The following AXIN2 variants were observed in gnomAD, a reference collection of about 807,000 sequenced individuals.
The protein encoded by AXIN2 is axin-2.
AXIN2 carries 21 observed loss-of-function variants against 74.7 expected under a neutral mutation model. The ratio of observed to expected loss-of-function variants is 0.28; its 90% confidence interval spans 0.20 to 0.40. The LOEUF (loss-of-function observed/expected upper bound fraction) is 0.40, where lower values mean the gene tolerates loss of function less well. Ranked by LOEUF, AXIN2 falls within the 10% of genes least tolerant of loss-of-function variation. The pLI is 1.00. For missense variants in AXIN2, 1,144 were observed against 1,111.1 expected (o/e 1.03, Z -0.42); for synonymous variants, 532 against 454.9 (o/e 1.17, Z -2.16).
chr17:65,534,281 T>G (rs1377948522), intron 9 of AXIN2, among the ~76,000 whole-genome samples: 1 of 152,212 alleles, frequency 6.6e-6, no homozygotes, highest in African/African-American at 2.4e-5. Context: ...CAACCCCACA[T>G]GTGCTGCATG....
chr17:65,552,749 C>A (rs140063088), intron 2 of AXIN2, among the ~76,000 whole-genome samples: 1 of 152,290 alleles, frequency 6.6e-6, no homozygotes, highest in Non-Finnish European at 1.5e-5. Flanking sequence ...AGAGCCCCAG[C>A]CAGGCACGGT....
At position 65,537,304 on chromosome 17, in the gene AXIN2, G is replaced by A. The variant is rs2144455218; in HGVS notation, c.1712+20C>T. On this transcript the variant is annotated intron_variant, in intron 6 of 10. Coordinates refer to ENST00000307078, the MANE Select transcript of AXIN2 (RefSeq NM_004655.4). ...GGAGACAAGCCCCACACGGGACACTGCGGTCCGCCCGGCACTTACCCAAAC... is the reference window on the plus strand; with the variant it reads ...GGAGACAAGCCCCACACGGGACACTACGGTCCGCCCGGCACTTACCCAAAC... 1 of 1,613,666 alleles carries A rather than the reference G, an allele frequency of 6.2e-7. No individual in the cohort carries two copies. Among genetic ancestry groups the A allele is most frequent in the Non-Finnish European group, 8.5e-7 (1 of 1,180,016 alleles).
Position 65,529,940 on chromosome 17 carries a change from G to A in AXIN2, c.*36C>T, listed in dbSNP as rs200276310. The A allele has an allele frequency of 8.7e-6, 14 of 1,613,644 alleles. No homozygotes were observed. Among genetic ancestry groups the A allele is most frequent in the Admixed American group, 5.0e-5 (3 of 59,984 alleles). On this transcript the variant is annotated 3_prime_UTR_variant, in exon 11 of 11. Coordinates refer to ENST00000307078, the MANE Select transcript of AXIN2 (RefSeq NM_004655.4). Reference sequence around the variant, plus strand: ...AGCCAAGACAGTTCACAAGAGCTTCGGGCTCCAACAGTTCACCAAAGCCAG... The same window carrying A: ...AGCCAAGACAGTTCACAAGAGCTTCAGGCTCCAACAGTTCACCAAAGCCAG...
intron 4 of AXIN2, among the ~76,000 whole-genome samples, chr17:65,539,366 G>A (rs1325335256): frequency 6.6e-6 from 1 of 152,218 alleles, no homozygotes; most frequent in African/African-American, 2.4e-5. Context: ...GGGAAGAAGA[G>A]AAAGGCTCCT....
At position 65,533,301 on chromosome 17, in the gene AXIN2, G is replaced by A. The variant is rs149851548; in HGVS notation, c.2405+611C>T. Reference sequence around the variant, plus strand: ...TGCCCTATTCACCCTGTGCCCACCCGCAGGTCCAGCCCCTTCTTTGTTATG... The same window carrying A: ...TGCCCTATTCACCCTGTGCCCACCCACAGGTCCAGCCCCTTCTTTGTTATG... On this transcript the variant is annotated intron_variant, in intron 10 of 10. Transcript: ENST00000307078. Among the ~76,000 whole-genome samples, 824 of 152,260 alleles carry A rather than the reference G, an allele frequency of 5.4e-3. 5 individuals carry two copies. The highest frequency in any genetic ancestry group is 0.018 in the African/African-American group (764 of 41,534).
Position 65,541,535 on chromosome 17 carries a change from C to T in AXIN2, c.979G>A (p.Val327Met), listed in dbSNP as rs372255441. ...CTCTGGAGCTGTTTCTTACTGCCCA[C>T]ACGATAAGGAGGAATTCCATCTCTA... is the stretch of plus-strand genomic sequence containing the variant. ...SSVDGIPPYR[V>M]GSKKQLQREM... Residue 327 changes from valine (V) to methionine (M), a missense_variant, in exon 4 of 11, where the codon GTG becomes ATG. Physicochemically the swap from Val to Met is conservative, Grantham distance 21. Coordinates refer to ENST00000307078, the MANE Select transcript of AXIN2 (RefSeq NM_004655.4). The T allele has an allele frequency of 6.2e-7, 1 of 1,614,018 alleles. No homozygotes were observed. The highest frequency in any genetic ancestry group is 1.3e-5 in the African/African-American group (1 of 74,914).
Position 65,529,951 on chromosome 17 carries a change from G to C in AXIN2, c.*25C>G, listed in dbSNP as rs766201419. 5.0e-6 allele frequency: 8 copies of C among 1,613,940 alleles called. No individual in the cohort carries two copies. Among genetic ancestry groups the C allele is most frequent in the Admixed American group, 3.3e-5 (2 of 59,982 alleles). ...TTCACAAGAGCTTCGGGCTCCAACA[G>C]TTCACCAAAGCCAGACCCCAGGGCT... On this transcript the variant is annotated 3_prime_UTR_variant, in exon 11 of 11. Coordinates refer to ENST00000307078, the MANE Select transcript of AXIN2 (RefSeq NM_004655.4).
intron 3 of AXIN2, among the ~76,000 whole-genome samples, chr17:65,542,528 GA>G (rs1471442760): frequency 9.8e-5 from 15 of 152,338 alleles, no homozygotes; most frequent in African/African-American, 3.6e-4. Flanking sequence ...TCCTCATTGA[GA>G]AAGGGACCTT....
chr17:65,541,855 A>G (rs1223797893), intron 3 of AXIN2, among the ~76,000 whole-genome samples: 1 of 152,114 alleles, frequency 6.6e-6, no homozygotes, highest in African/African-American at 2.4e-5. Flanking sequence ...ACTGGGTTAC[A>G]CTCCAGCCAG....
rs770475119 is a variant in AXIN2, at chr17:65,537,097, G to A, written c.1713-34C>T. 7 of 1,589,254 alleles carry A rather than the reference G, an allele frequency of 4.4e-6. No individual in the cohort carries two copies. The South Asian group carries it at 4.4e-5, about 10-fold the overall frequency. ...AACCAAGAACCACACCCAACCCAGA[G>A]ACCCGGTTAAATCTCCGGGACTCCT... On this transcript the variant is annotated intron_variant, in intron 6 of 10. Transcript: ENST00000307078.
intron 6 of AXIN2, 102 bp from the exon 7 acceptor site, chr17:65,537,165 A>G: frequency 1.3e-6 from 2 of 1,541,288 alleles, no homozygotes; most frequent in Admixed American, 1.7e-5. Context: ...GTGACACGAA[A>G]GACCCATGCA....
At chr17:65,543,015 A>C (rs2044065198) in intron 3 of AXIN2, among the ~76,000 whole-genome samples, 1 of 152,254 alleles carries the variant, frequency 6.6e-6, no homozygotes, top group Non-Finnish European at 1.5e-5. Flanking sequence ...CTACTGACCT[A>C]GGTCAGAAAA....
At chr17:65,537,919 C>CGCAGGA in intron 5 of AXIN2, 84 bp from the exon 6 acceptor site, 2 of 1,169,638 alleles carry the variant, frequency 1.7e-6, no homozygotes, top group Non-Finnish European at 2.3e-6. Flanking sequence ...CGGCTCCCTA[C>CGCAGGA]GCAGGAGCAC....
chr17:65,558,653 T>G lies in AXIN2; in HGVS notation c.-33A>C, dbSNP rs190687283. 364 of 1,591,526 alleles carry G rather than the reference T, an allele frequency of 2.3e-4. No individual in the cohort carries two copies. Among genetic ancestry groups the G allele is most frequent in the Non-Finnish European group, 2.8e-4 (333 of 1,175,156 alleles). On this transcript the variant is annotated 5_prime_UTR_variant, in exon 2 of 11. Coordinates refer to ENST00000307078, the MANE Select transcript of AXIN2 (RefSeq NM_004655.4). ...GAGCTCTTCCCACTGAGTCTGGGAA[T>G]TTTTCTTCTTCCAGTTCCTCTCAGC...
chr17:65,530,711 C>CGCAGCTTCCCAGG (rs1413517417), intron 10 of AXIN2, among the ~76,000 whole-genome samples: 2 of 152,238 alleles, frequency 1.3e-5, no homozygotes, highest in Non-Finnish European at 2.9e-5. Context: ...GCCAGCCCAG[C>CGCAGCTTCCCAGG]GCAGCTTCCC....
At position 65,558,148 on chromosome 17, in the gene AXIN2, C is replaced by G. The variant is rs748730853; in HGVS notation, c.473G>C (p.Arg158Thr). 10 of 1,614,002 alleles carry G rather than the reference C, an allele frequency of 6.2e-6. No homozygotes were observed. Among genetic ancestry groups the G allele is most frequent in the Non-Finnish European group, 8.5e-6 (10 of 1,180,044 alleles). Residue 158 changes from arginine (R) to threonine (T), a missense_variant, in exon 2 of 11, where the codon AGA becomes ACA. Physicochemically the swap from Arg to Thr is moderately conservative, Grantham distance 71. Coordinates refer to ENST00000307078, the MANE Select transcript of AXIN2 (RefSeq NM_004655.4). ...QLKPATKTYIRDGIKKQQIDS... is the reference protein window; with the variant it reads ...QLKPATKTYITDGIKKQQIDS... ...AATCTGCTGCTTCTTGATGCCATCT[C>G]TTATGTAGGTCTTGGTGGCAGGCTT...
intron 4 of AXIN2, 90 bp from the exon 5 acceptor site, chr17:65,538,433 G>A: frequency 6.4e-7 from 1 of 1,554,790 alleles, no homozygotes; most frequent in Non-Finnish European, 8.8e-7. Context: ...CAGGCGCTGT[G>A]CACCGCAAAC....
intron 3 of AXIN2, among the ~76,000 whole-genome samples, chr17:65,547,342 A>G (rs1172644943): frequency 1.3e-5 from 2 of 152,208 alleles, no homozygotes; most frequent in African/African-American, 4.8e-5. Flanking sequence ...GAGAACGCTC[A>G]TGCCTGGGGG....
At chr17:65,551,792 G>A (rs2044197287) in intron 2 of AXIN2, among the ~76,000 whole-genome samples, 1 of 152,218 alleles carries the variant, frequency 6.6e-6, no homozygotes, top group South Asian at 2.1e-4. Flanking sequence ...AGCACCATGT[G>A]GGCCAAAGGC....
Sources: allele counts gnomAD v4.1 joint callset (sites outside exome capture counted in the v4.1 genomes callset), GRCh38; gene constraint gnomAD v4.1.1; transcripts MANE v1.5; gene names NCBI Gene and HGNC (gene_info 2026-07-23, HGNC 2026-07-21).